The following EFHD1 variants were observed in gnomAD, a reference collection of about 807,000 sequenced individuals.
EFHD1 encodes EF-hand domain family member D1, also known as EF-hand domain-containing protein D1.
In EFHD1, 10 loss-of-function variants were observed where a neutral mutation model predicts 17.2. The observed-to-expected ratio is 0.58, with a 90% CI of 0.36 to 0.99. The LOEUF (loss-of-function observed/expected upper bound fraction) is 0.99, where lower values mean the gene tolerates loss of function less well. EFHD1 is among the 50% of genes least tolerant of loss of function. The probability of loss-of-function intolerance (pLI) is 0.01; values close to 1 mark genes in which losing one functional copy is unlikely to be tolerated. For synonymous variants in EFHD1, 153 were observed against 142.0 expected (o/e 1.08, Z -0.55); for missense variants, 310 against 327.5 (o/e 0.95, Z 0.41).
At chr2:232,624,274 C>T (rs898220316) in intron 1 of EFHD1, among the ~76,000 whole-genome samples, 1 of 152,174 alleles carries the variant, frequency 6.6e-6, no homozygotes, top group Admixed American at 6.5e-5. Context: ...GGGGGTGCTC[C>T]CTATCAAGTC....
chr2:232,625,856 A>G (rs541917996), intron 1 of EFHD1, among the ~76,000 whole-genome samples: 328 of 150,946 alleles, frequency 2.2e-3, no homozygotes, highest in Non-Finnish European at 3.8e-3. Context: ...ACTCTTCACC[A>G]TCATACACTC....
At position 232,682,761 on chromosome 2, in the gene EFHD1, A is replaced by C. The variant is rs1695315076; in HGVS notation, c.*1042A>C. 6.6e-6 allele frequency: 1 copy of C among 152,210 alleles called. No individual in the cohort carries two copies. The highest frequency in any genetic ancestry group is 2.1e-4 in the South Asian group (1 of 4,832). The allele number at this position is 152,210 out of a possible 1,614,324, so 9.4% of individuals were successfully genotyped here. A position where few individuals can be genotyped will look rare whatever the true frequency, so the allele number is the denominator to read the frequency against. On this transcript the variant is annotated 3_prime_UTR_variant, in exon 4 of 4. Transcript: ENST00000264059. Reference sequence around the variant, plus strand: ...TAACTGCTGTCTTTACAATAAAGAAATCATCTGCCTTTCTATCTTACAGCT... The same window carrying C: ...TAACTGCTGTCTTTACAATAAAGAACTCATCTGCCTTTCTATCTTACAGCT...
chr2:232,646,773 C>T (rs1694537564), intron 1 of EFHD1, among the ~76,000 whole-genome samples: 1 of 152,180 alleles, frequency 6.6e-6, no homozygotes, highest in Non-Finnish European at 1.5e-5. Flanking sequence ...TATGATGCTC[C>T]CCCACCTTCC....
At chr2:232,623,692 A>AAAGAAG (rs764686769) in intron 1 of EFHD1, among the ~76,000 whole-genome samples, 3 of 101,964 alleles carry the variant, frequency 2.9e-5, no homozygotes, top group Non-Finnish European at 3.9e-5. Context: ...AAAAAAAAAA[A>AAAGAAG]AAGAAGAAGA....
At chr2:232,649,438 C>G (rs1485598682) in intron 1 of EFHD1, among the ~76,000 whole-genome samples, 1 of 152,172 alleles carries the variant, frequency 6.6e-6, no homozygotes, top group Non-Finnish European at 1.5e-5. Context: ...CTAACAGTCA[C>G]TCAGGAATGG....
Position 232,635,872 on chromosome 2 carries a change from C to G in EFHD1, c.302+1866C>G, listed in dbSNP as rs751026933. Among the ~76,000 whole-genome samples, 19 of 151,798 alleles carry G rather than the reference C, an allele frequency of 1.3e-4. No homozygotes were observed. In the South Asian group the frequency reaches 1.7e-3, roughly 13 times the overall value. On this transcript the variant is annotated intron_variant, in intron 1 of 3. Coordinates refer to ENST00000264059, the MANE Select transcript of EFHD1 (RefSeq NM_025202.4). ...GGCAGTGTGTGGCCTGGGATCCCAG[C>G]AGAGCTAACAGTTCAACCAGTACTT...
chr2:232,649,363 T>C (rs922620006), intron 1 of EFHD1, among the ~76,000 whole-genome samples: 2 of 152,116 alleles, frequency 1.3e-5, no homozygotes, highest in Non-Finnish European at 2.9e-5. Flanking sequence ...AACTAGTAGA[T>C]GAGTTGAGAA....
intron 1 of EFHD1, among the ~76,000 whole-genome samples, chr2:232,622,969 T>C (rs752480186): frequency 6.6e-6 from 1 of 152,214 alleles, no homozygotes; most frequent in Non-Finnish European, 1.5e-5. Flanking sequence ...TTATTAAAAT[T>C]AATTTCACCT....
intron 1 of EFHD1, among the ~76,000 whole-genome samples, chr2:232,644,419 AGG>A (rs1163948612): frequency 6.6e-6 from 1 of 152,006 alleles, no homozygotes; most frequent in Non-Finnish European, 1.5e-5. Context: ...TCTGTGGCTA[AGG>A]GCACCTCTGT....
intron 2 of EFHD1, among the ~76,000 whole-genome samples, chr2:232,670,327 G>A (rs1330539683): frequency 6.6e-6 from 1 of 152,058 alleles, no homozygotes; most frequent in African/African-American, 2.4e-5. Flanking sequence ...TGTAATCCAA[G>A]CTACTTGGGA....
rs561539566 is a variant in EFHD1, at chr2:232,642,675, T to G, written c.302+8669T>G. 2.9e-3 allele frequency among the ~76,000 whole-genome samples: 434 copies of G among 152,246 alleles called. 9 individuals carry two copies. Among genetic ancestry groups the G allele is most frequent in the Middle Eastern group, 0.024 (7 of 294 alleles). On this transcript the variant is annotated intron_variant, in intron 1 of 3. Coordinates refer to ENST00000264059, the MANE Select transcript of EFHD1 (RefSeq NM_025202.4). ...AAATTATAGTGTTCCCCATTGAAAA[T>G]TTCCTTTAAAACTGTAAAGATCTTT... is the stretch of plus-strand genomic sequence containing the variant.
intron 1 of EFHD1, among the ~76,000 whole-genome samples, chr2:232,626,117 G>C (rs565258609): frequency 6.6e-6 from 1 of 152,046 alleles, no homozygotes; most frequent in Non-Finnish European, 1.5e-5. Flanking sequence ...GCTTGATCCC[G>C]GGAGGTTGAG....
At chr2:232,666,250 C>T (rs1694964824) in intron 2 of EFHD1, among the ~76,000 whole-genome samples, 2 of 152,240 alleles carry the variant, frequency 1.3e-5, no homozygotes, top group Non-Finnish European at 2.9e-5. Flanking sequence ...TGAAGGGCCA[C>T]AGAGATCTGG....
chr2:232,614,654 T>C (rs538556308), intron 1 of EFHD1, among the ~76,000 whole-genome samples: 1 of 152,284 alleles, frequency 6.6e-6, no homozygotes, highest in South Asian at 2.1e-4. Context: ...AGCTGAGTGG[T>C]CTTTTAAAAT....
intron 1 of EFHD1, among the ~76,000 whole-genome samples, chr2:232,621,197 T>C (rs189114032): frequency 4.7e-4 from 72 of 152,186 alleles, no homozygotes; most frequent in African/African-American, 1.6e-3. Flanking sequence ...ATAGCAGGGA[T>C]GTGGGTGAAG....
At position 232,633,684 on chromosome 2, in the gene EFHD1, C is replaced by CGCGTCCT; in HGVS notation, c.-17_-11dup. The CGCGTCCT allele has an allele frequency of 6.4e-6, 9 of 1,413,188 alleles. No individual in the cohort carries two copies. Among genetic ancestry groups the CGCGTCCT allele is most frequent in the Non-Finnish European group, 8.2e-6 (9 of 1,094,888 alleles). The allele number at this position is 1,413,188 out of a possible 1,614,324, so 87.5% of individuals were successfully genotyped here. ...GTCCCGTCCCGCGTCCCCGCGTTCC[C>CGCGTCCT]GCGTCCTGCGATCCGCCGCCATGGC... On this transcript the variant is annotated 5_prime_UTR_variant, in exon 1 of 4. Transcript: ENST00000264059.
chr2:232,666,565 T>TC (rs1694970294), intron 2 of EFHD1, among the ~76,000 whole-genome samples: 1 of 152,194 alleles, frequency 6.6e-6, no homozygotes, highest in Non-Finnish European at 1.5e-5. Context: ...CTGCAGGTGC[T>TC]CCTCCCTGAA....
At chr2:232,678,925 C>T (rs1198494943) in intron 3 of EFHD1, among the ~76,000 whole-genome samples, 4 of 152,130 alleles carry the variant, frequency 2.6e-5, no homozygotes, top group African/African-American at 4.8e-5. Flanking sequence ...AAAGTCAAGT[C>T]CCTACTTTAT....
chr2:232,663,839 G>T (rs1461026425), intron 2 of EFHD1, among the ~76,000 whole-genome samples: 2 of 152,168 alleles, frequency 1.3e-5, no homozygotes, highest in African/African-American at 4.8e-5. Flanking sequence ...AGGCTGGAGT[G>T]CAGTGGCTCA....
Sources: gnomAD v4.1 joint callset for allele counts (sites outside exome capture counted in the v4.1 genomes callset) on GRCh38, gnomAD v4.1.1 for gene constraint, MANE v1.5 for transcripts, NCBI Gene and HGNC (gene_info 2026-07-23, HGNC 2026-07-21) for gene names.